Variants in HMCN2 observed in about 807,000 individuals in gnomAD.
HMCN2 encodes the protein hemicentin 2, also known as hemicentin-2.
A neutral mutation model predicts 377.5 loss-of-function variants in HMCN2; 325 were observed. That is an observed-to-expected ratio of 0.86 (90% CI 0.79 to 0.94). HMCN2 has a LOEUF of 0.94. Among genes scored for constraint, HMCN2 ranks in the 40% least tolerant of loss-of-function variants. HMCN2 has a pLI of 0.00. For synonymous variants in HMCN2, 2,007 were observed against 2,046.8 expected (o/e 0.98, Z 0.53); for missense variants, 4,543 against 4,725.3 (o/e 0.96, Z 1.13).
At position 130,354,840 on chromosome 9, in the gene HMCN2, T is replaced by C. The variant is rs1210414556; in HGVS notation, c.4942T>C (p.Cys1648Arg). 1 of 1,304,132 alleles carries C rather than the reference T, an allele frequency of 7.7e-7. No homozygotes were observed. The highest frequency in any genetic ancestry group is 1.2e-5 in the South Asian group (1 of 81,010). The allele number at this position is 1,304,132 out of a possible 1,614,324, so 80.8% of individuals were successfully genotyped here. Residue 1648 changes from cysteine to arginine, a missense_variant, in exon 32 of 98, where the codon TGC (cysteine) becomes CGC (arginine). This residue lies in a region of HMCN2 where 1,032 missense variants were observed against 1,285.1 expected (regional missense o/e 0.80). Transcript: ENST00000683500. ...GGCTGGGAGGCCTGTGGCGCTGGAGTGCGTGGCCAGAGGCCACCCGTCCCC... is the reference window on the plus strand; with the variant it reads ...GGCTGGGAGGCCTGTGGCGCTGGAGCGCGTGGCCAGAGGCCACCCGTCCCC... ...AVAGRPVALE[C>R]VARGHPSPTL...
Position 130,382,691 on chromosome 9 carries a change from T to C in HMCN2, c.8558T>C (p.Ile2853Thr). Residue 2853 changes from isoleucine to threonine, a missense_variant, in exon 56 of 98, where the codon ATC (isoleucine) becomes ACC (threonine). By Grantham distance (89) the Ile-to-Thr change is moderately conservative. This residue lies in a region of HMCN2 where 736 missense variants were observed against 773.2 expected (regional missense o/e 0.95). Transcript: ENST00000683500. ...YELLVLTPPV[I>T]LGDTEELVEE... Reference sequence around the variant, plus strand: ...CCCCCACCCCCAGCCCCACCTGTGATCCTGGGTGACACAGAGGAGCTGGTG... The same window carrying C: ...CCCCCACCCCCAGCCCCACCTGTGACCCTGGGTGACACAGAGGAGCTGGTG... 1 of 984,404 alleles carries C rather than the reference T, an allele frequency of 1.0e-6. No individual in the cohort carries two copies. The highest frequency in any genetic ancestry group is 1.8e-5 in the African/African-American group (1 of 57,040). 61.0% of individuals were successfully genotyped at this position (984,404 alleles called of 1,614,324 possible). A position where few individuals can be genotyped will look rare whatever the true frequency, so the allele number is the denominator to read the frequency against.
rs1293257461 is a variant in HMCN2, at chr9:130,350,381, AAAAATAC to A, written c.4430+723_4430+729del. Among the ~76,000 whole-genome samples the A allele has an allele frequency of 2.6e-3, 367 of 139,802 alleles. 24 individuals carry two copies. The highest frequency in any genetic ancestry group is 9.2e-3 in the African/African-American group (351 of 38,080). 91.7% of individuals were successfully genotyped at this position (139,802 alleles called of 152,430 possible). On this transcript the variant is annotated intron_variant, in intron 29 of 97. Coordinates refer to ENST00000683500, the MANE Select transcript of HMCN2 (RefSeq NM_001291815.2). Reference sequence around the variant, plus strand: ...GACCCTGTCTCTGCTAAAAATACAAAAAAATACAAAAAAAAAAAAAAAAGAAATAGCC... The same window carrying A: ...GACCCTGTCTCTGCTAAAAATACAAAAAAAAAAAAAAAAAAAGAAATAGCC...
intron 86 of HMCN2, 152 bp downstream of exon 86, chr9:130,419,193 C>T: frequency 1.4e-6 from 1 of 700,484 alleles, no homozygotes; most frequent in Non-Finnish European, 2.1e-6. Flanking sequence ...GAACCCCTAC[C>T]CTGCCCGTTT....
At chr9:130,329,670 T>C (rs928724808) in intron 22 of HMCN2, among the ~76,000 whole-genome samples, 1 of 152,146 alleles carries the variant, frequency 6.6e-6, no homozygotes, top group Non-Finnish European at 1.5e-5. Flanking sequence ...CTTGAACTCC[T>C]GGCCTCAGGT....
intron 8 of HMCN2, among the ~76,000 whole-genome samples, chr9:130,300,799 G>A (rs782629022): frequency 5.9e-5 from 9 of 152,182 alleles, no homozygotes; most frequent in Non-Finnish European, 1.0e-4. Flanking sequence ...AGGTCTCACC[G>A]TTCAGGCTGG....
chr9:130,418,704 T>G, intron 85 of HMCN2, 68 bp from the exon 86 acceptor site: 1 of 1,311,512 alleles, frequency 7.6e-7, no homozygotes, highest in Non-Finnish European at 1.0e-6. Flanking sequence ...TGTGTCTAAA[T>G]GAACATATCC....
At chr9:130,282,841 T>C (rs1178740931) in intron 1 of HMCN2, among the ~76,000 whole-genome samples, 1 of 152,056 alleles carries the variant, frequency 6.6e-6, no homozygotes, top group Non-Finnish European at 1.5e-5. Flanking sequence ...GAGGCTGAGG[T>C]GGGAGCATCA....
intron 1 of HMCN2, among the ~76,000 whole-genome samples, chr9:130,279,642 C>A (rs1418788270): frequency 2.0e-5 from 3 of 152,160 alleles, no homozygotes; most frequent in Admixed American, 2.0e-4. Context: ...CGTGAGCCAC[C>A]GTGCCCGGCC....
intron 43 of HMCN2, among the ~76,000 whole-genome samples, chr9:130,366,503 G>A (rs1272472198): frequency 7.7e-6 from 1 of 130,138 alleles, no homozygotes; most frequent in Non-Finnish European, 1.6e-5. Context: ...TGCCAGGCTG[G>A]AGTGCAGTGG....
chr9:130,426,983 G>A (rs1462100269), intron 90 of HMCN2, among the ~76,000 whole-genome samples: 1 of 152,106 alleles, frequency 6.6e-6, no homozygotes, highest in East Asian at 1.9e-4. Flanking sequence ...CCTCCGCACG[G>A]TCTCTGTGCA....
intron 96 of HMCN2, 72 bp downstream of exon 96, chr9:130,431,558 C>T: frequency 1.3e-6 from 2 of 1,514,244 alleles, no homozygotes; most frequent in Non-Finnish European, 1.8e-6. Context: ...GGACATGTGG[C>T]ATCTTACCTA....
chr9:130,370,040 C>T (rs1840929432), intron 45 of HMCN2, among the ~76,000 whole-genome samples, 189 bp downstream of exon 45: 2 of 151,840 alleles, frequency 1.3e-5, no homozygotes, highest in South Asian at 2.1e-4. Flanking sequence ...AGGACTGGTC[C>T]CAAATGGCCC....
intron 15 of HMCN2, among the ~76,000 whole-genome samples, chr9:130,319,072 C>T (rs1235043895): frequency 3.9e-5 from 6 of 152,156 alleles, no homozygotes; most frequent in African/African-American, 1.4e-4. Flanking sequence ...CCTCTCTGGC[C>T]CAGGAGGAGG....
chr9:130,323,478 C>T (rs901550280), intron 19 of HMCN2, among the ~76,000 whole-genome samples: 28 of 152,224 alleles, frequency 1.8e-4, no homozygotes, highest in Admixed American at 2.6e-4. Context: ...CCAGAAGGGA[C>T]GACCAGGGAA....
At chr9:130,386,697 A>G (rs117802342) in intron 61 of HMCN2, among the ~76,000 whole-genome samples, 173 bp downstream of exon 61, 1 of 152,194 alleles carries the variant, frequency 6.6e-6, no homozygotes, top group Non-Finnish European at 1.5e-5. Context: ...TTTTGTAGAG[A>G]TGGGGCCTCA....
At chr9:130,384,003 A>C (rs1841878525) in intron 57 of HMCN2, among the ~76,000 whole-genome samples, 1 of 151,890 alleles carries the variant, frequency 6.6e-6, no homozygotes. Flanking sequence ...CGGAGCCTGC[A>C]CTCCTAACCT....
At chr9:130,309,511 T>G in intron 14 of HMCN2, among the ~76,000 whole-genome samples, 1 of 88,548 alleles carries the variant, frequency 1.1e-5, no homozygotes, top group Non-Finnish European at 2.1e-5. Flanking sequence ...GAAGACTCTG[T>G]CTCAAAAAAA....
chr9:130,286,932 C>T lies in HMCN2; in HGVS notation c.612+622C>T, dbSNP rs537822309. On this transcript the variant is annotated intron_variant, in intron 4 of 97. Coordinates refer to ENST00000683500, the MANE Select transcript of HMCN2 (RefSeq NM_001291815.2). ...CTCCATGGTATCATCCTGTTCAGGG[C>T]TGTCCCTGCTTTCCCTCCACCCCAC... Among the ~76,000 whole-genome samples, 5 of 152,302 alleles carry T rather than the reference C, an allele frequency of 3.3e-5. 1 individual carries two copies. The highest frequency in any genetic ancestry group is 9.6e-5 in the African/African-American group (4 of 41,572).
At chr9:130,279,237 A>G (rs1424612036) in intron 1 of HMCN2, among the ~76,000 whole-genome samples, 2 of 152,184 alleles carry the variant, frequency 1.3e-5, no homozygotes, top group Non-Finnish European at 2.9e-5. Context: ...TGATGTATCC[A>G]GTCAACTCTT....
Sources: gnomAD v4.1 joint callset for allele counts (sites outside exome capture counted in the v4.1 genomes callset) on GRCh38, gnomAD v4.1.1 for gene constraint, gnomAD v4.1.1 regional missense constraint, MANE v1.5 for transcripts, NCBI Gene and HGNC (gene_info 2026-07-23, HGNC 2026-07-21) for gene names.